Variants in CCDC33 observed in about 807,000 individuals in gnomAD.
CCDC33 encodes coiled-coil domain-containing protein 33.
Under a neutral mutation model 91.9 loss-of-function variants are expected in CCDC33, and 94 were observed. The observed-to-expected ratio is 1.02, with a 90% confidence interval of 0.87 to 1.21. The LOEUF is 1.21. Ranked by LOEUF, CCDC33 falls within the 50% of genes most tolerant of loss-of-function variation. CCDC33 has a pLI of 0.00. For missense variants in CCDC33, 940 were observed against 935.5 expected (o/e 1.00, Z -0.06); for synonymous variants, 396 against 374.5 (o/e 1.06, Z -0.66).
chr15:74,237,342 T>G (rs561707810), intron 1 of CCDC33, among the ~76,000 whole-genome samples: 3 of 152,236 alleles, frequency 2.0e-5, no homozygotes, highest in Non-Finnish European at 4.4e-5. Flanking sequence ...CTCAGTGTGA[T>G]GAGATGTAAA....
At chr15:74,215,020 C>T (rs572915331), upstream of CCDC33, among the ~76,000 whole-genome samples, 32 of 152,294 alleles carry the variant, frequency 2.1e-4, 1 homozygote, top group South Asian at 2.9e-3. Flanking sequence ...TGAATGATGA[C>T]TTGTGTGGGC....
intron 11 of CCDC33, chr15:74,299,933 C>T (rs2059759753): frequency 6.6e-6 from 1 of 152,398 alleles, no homozygotes; most frequent in South Asian, 2.1e-4. Context: ...ACTTCTGACA[C>T]TTTGCCCTAG....
intron 3 of CCDC33, among the ~76,000 whole-genome samples, chr15:74,263,719 A>G (rs780900490): frequency 6.6e-6 from 1 of 152,146 alleles, no homozygotes; most frequent in African/African-American, 2.4e-5. Flanking sequence ...GTTCATGCGC[A>G]TGTGTGAATG....
intron 11 of CCDC33, chr15:74,304,290 CTG>C (rs2059850730): frequency 6.6e-6 from 1 of 152,228 alleles, no homozygotes; most frequent in Non-Finnish European, 1.5e-5. Flanking sequence ...TTAATAGTCA[CTG>C]TGTTCCTGGG....
intron 2 of CCDC33, among the ~76,000 whole-genome samples, chr15:74,250,202 T>C (rs1168045536): frequency 6.6e-6 from 1 of 152,216 alleles, no homozygotes; most frequent in East Asian, 1.9e-4. Flanking sequence ...TTGGTTCCTC[T>C]ACTCTTGCTC....
At chr15:74,333,122 G>C (rs6495094) in intron 16 of CCDC33, 94,489 of 985,558 alleles carry the variant, frequency 0.096, 5,905 homozygotes, top group Middle Eastern at 0.22. Context: ...TTTTTCACCT[G>C]GCTGGCCTCC....
At chr15:74,240,106 C>T (rs899632625) in intron 1 of CCDC33, among the ~76,000 whole-genome samples, 2 of 152,256 alleles carry the variant, frequency 1.3e-5, no homozygotes, top group African/African-American at 4.8e-5. Context: ...CCAGCCTGCC[C>T]AGCGGGCACA....
chr15:74,243,115 T>C (rs1055712888), intron 1 of CCDC33, among the ~76,000 whole-genome samples: 1 of 152,164 alleles, frequency 6.6e-6, no homozygotes, highest in African/African-American at 2.4e-5. Flanking sequence ...GGGCAACTGG[T>C]GTAGGAAGCC....
Position 74,247,776 on chromosome 15 carries a change from G to A in CCDC33, c.185+3628G>A, listed in dbSNP as rs555826522. 5.9e-5 allele frequency among the ~76,000 whole-genome samples: 9 copies of A among 152,138 alleles called. No homozygotes were observed. The South Asian group carries it at 8.3e-4, about 14-fold the overall frequency. ...ATTTAATATGCAGCAGGTGACTCTA[G>A]TTAATGATACTATATTGTGGCTGGG... On this transcript the variant is annotated intron_variant, in intron 2 of 18. Transcript: ENST00000398814.
At chr15:74,208,099 TGAG>T (rs1195376512) in intron 1 of CCDC33, 22 of 1,168,032 alleles carry the variant, frequency 1.9e-5, no homozygotes, top group East Asian at 1.1e-4. Flanking sequence ...TGGACACTGG[TGAG>T]GAGGAGGAGG....
intron 5 of CCDC33, among the ~76,000 whole-genome samples, chr15:74,270,866 C>G (rs944417127): frequency 2.6e-5 from 4 of 152,156 alleles, no homozygotes; most frequent in Non-Finnish European, 5.9e-5. Flanking sequence ...CCCCGCTCGG[C>G]TCTCTGAAAG....
intron 11 of CCDC33, among the ~76,000 whole-genome samples, chr15:74,315,718 G>A (rs893159304): frequency 6.6e-6 from 1 of 152,220 alleles, no homozygotes; most frequent in Non-Finnish European, 1.5e-5. Flanking sequence ...TGTAGGTGGG[G>A]GAACTGCGTG....
chr15:74,314,762 G>A (rs2060058754), intron 11 of CCDC33, among the ~76,000 whole-genome samples: 1 of 152,202 alleles, frequency 6.6e-6, no homozygotes, highest in African/African-American at 2.4e-5. Flanking sequence ...TGCCAGGAGA[G>A]AGTTTTAGAA....
At chr15:74,254,236 T>C (rs978566751) in intron 2 of CCDC33, among the ~76,000 whole-genome samples, 6 of 152,108 alleles carry the variant, frequency 3.9e-5, no homozygotes, top group Non-Finnish European at 8.8e-5. Context: ...TTTCACCATG[T>C]TTGTCAGGCT....
upstream of CCDC33, chr15:74,213,291 C>A (rs1390931917): frequency 2.0e-5 from 3 of 152,098 alleles, no homozygotes; most frequent in East Asian, 5.8e-4. Context: ...TCCAGAAAGT[C>A]CTGCCCCATA....
chr15:74,295,130 G>T (rs1214176547), intron 10 of CCDC33, among the ~76,000 whole-genome samples: 2 of 152,182 alleles, frequency 1.3e-5, no homozygotes, highest in East Asian at 3.9e-4. Flanking sequence ...AGAAGCTGTT[G>T]TTACTGCACC....
intron 10 of CCDC33, among the ~76,000 whole-genome samples, chr15:74,293,516 G>A (rs915847388): frequency 3.7e-4 from 56 of 152,280 alleles, no homozygotes; most frequent in Middle Eastern, 3.4e-3. Context: ...GACAGATGTG[G>A]TACTTTTTCC....
In CCDC33 at chr15:74,250,107, T is replaced by C. The variant is rs141864582; in HGVS notation, c.185+5959T>C. ...CCAATCCATCACCAAGTCATGTCCA[T>C]GTCTCCCGGTCTCTCGGATTGAGCT... On this transcript the variant is annotated intron_variant, in intron 2 of 18. Coordinates refer to ENST00000398814, the MANE Select transcript of CCDC33 (RefSeq NM_025055.5). 1.1e-3 allele frequency among the ~76,000 whole-genome samples: 172 copies of C among 152,286 alleles called. 1 individual carries two copies. Among genetic ancestry groups the C allele is most frequent in the South Asian group, 7.5e-3 (36 of 4,818 alleles).
intron 12 of CCDC33, 74 bp from the exon 13 acceptor site, chr15:74,330,589 T>C (rs1257391848): frequency 2.3e-6 from 3 of 1,287,460 alleles, no homozygotes; most frequent in East Asian, 2.3e-5. Flanking sequence ...ATATCTGCCT[T>C]CCTGCTACTG....
Sources: gnomAD v4.1 joint callset for allele counts (sites outside exome capture counted in the v4.1 genomes callset) on GRCh38, gnomAD v4.1.1 for gene constraint, MANE v1.5 for transcripts, NCBI Gene and HGNC (gene_info 2026-07-23, HGNC 2026-07-21) for gene names.